ZNF485: variants seen among roughly 807,000 people sequenced by gnomAD.
The protein encoded by ZNF485 is zinc finger protein 485, also known as Zinc finger protein 93 (Zinc finger protein HTF34).
In ZNF485, 9 loss-of-function variants were observed where a neutral mutation model predicts 10.8. That is an observed-to-expected ratio of 0.83 (90% CI 0.50 to 1.45). The LOEUF (loss-of-function observed/expected upper bound fraction) is 1.45, where lower values mean the gene tolerates loss of function less well. ZNF485 is among the 40% of genes most tolerant of loss of function. The probability of loss-of-function intolerance (pLI) is 0.00; values close to 1 mark genes in which losing one functional copy is unlikely to be tolerated. For missense variants in ZNF485, 487 were observed against 528.0 expected (o/e 0.92, Z 0.76); for synonymous variants, 187 against 181.0 (o/e 1.03, Z -0.27).
intron 4 of ZNF485, among the ~76,000 whole-genome samples, chr10:43,609,978 G>A (rs542041994): frequency 3.4e-4 from 52 of 152,250 alleles, no homozygotes; most frequent in East Asian, 1.9e-4. Context: ...GAGCCACCAC[G>A]TCTGGCCCAT....
intron 4 of ZNF485, among the ~76,000 whole-genome samples, chr10:43,609,658 C>T (rs1838730820): frequency 6.6e-6 from 1 of 151,980 alleles, no homozygotes; most frequent in South Asian, 2.1e-4. Flanking sequence ...TTGTTTCTTT[C>T]TACTTCTGTT....
At position 43,609,300 on chromosome 10, in the gene ZNF485, G is replaced by A. The variant is rs1838720545; in HGVS notation, c.197G>A (p.Gly66Glu). The change falls in exon 4 of 5, where the codon GGG becomes GAG. Residue 66 changes from glycine (G) to glutamate (E), a missense_variant. By Grantham distance (98) the Gly-to-Glu change is moderately conservative. Coordinates refer to ENST00000361807, the MANE Select transcript of ZNF485 (RefSeq NM_145312.4). The stretch of plus-strand genomic sequence containing the variant: ...AAACTAATTACTCAGTTGGAGCAAG[G>A]GGCAGAGCCCTGGACTGAGGTGCGA... ...KPKLITQLEQ[G>E]AEPWTEVREA... is the part of the protein sequence containing the mutation. 6.2e-7 allele frequency: 1 copy of A among 1,613,884 alleles called. No homozygotes were observed. The highest frequency in any genetic ancestry group is 1.3e-5 in the African/African-American group (1 of 74,890).
intron 2 of ZNF485, among the ~76,000 whole-genome samples, chr10:43,607,624 A>G (rs1456060143): frequency 6.6e-6 from 1 of 152,182 alleles, no homozygotes; most frequent in African/African-American, 2.4e-5. Context: ...GATTTTGAGA[A>G]GCTGATTAAA....
At chr10:43,614,463 T>C (rs1238591131) in intron 4 of ZNF485, among the ~76,000 whole-genome samples, 1 of 152,032 alleles carries the variant, frequency 6.6e-6, no homozygotes, top group Non-Finnish European at 1.5e-5. Context: ...CAAAACATGT[T>C]TTTTTTCTGT....
At chr10:43,611,612 T>G (rs1465345175) in intron 4 of ZNF485, among the ~76,000 whole-genome samples, 2 of 152,208 alleles carry the variant, frequency 1.3e-5, no homozygotes, top group African/African-American at 4.8e-5. Flanking sequence ...TAATACATGT[T>G]TATACTCCTA....
intron 2 of ZNF485, among the ~76,000 whole-genome samples, chr10:43,607,556 T>C (rs532935147): frequency 5.3e-5 from 8 of 152,334 alleles, no homozygotes; most frequent in Admixed American, 1.3e-4. Context: ...GAAACATTCA[T>C]GGTCTAGAAT....
chr10:43,613,187 T>TA (rs1564482805), intron 4 of ZNF485, among the ~76,000 whole-genome samples: 1 of 152,238 alleles, frequency 6.6e-6, no homozygotes, highest in Non-Finnish European at 1.5e-5. Context: ...TCTGTACCCA[T>TA]GTAACCAAAA....
chr10:43,607,015 C>G lies in ZNF485; in HGVS notation c.-36C>G. On this transcript the variant is annotated 5_prime_UTR_variant, in exon 2 of 5. Transcript: ENST00000361807. Reference sequence around the variant, plus strand: ...TTCCCAGATTGACTTACGCAGGATTCTCAGCCCTTGCCTGGGAGAACAGTT... The same window carrying G: ...TTCCCAGATTGACTTACGCAGGATTGTCAGCCCTTGCCTGGGAGAACAGTT... 1 of 1,551,756 alleles carries G rather than the reference C, an allele frequency of 6.4e-7. No individual in the cohort carries two copies. Among genetic ancestry groups the G allele is most frequent in the Non-Finnish European group, 8.7e-7 (1 of 1,146,966 alleles).
At chr10:43,608,465 C>A in intron 2 of ZNF485, 149 bp from the exon 3 acceptor site, 1 of 1,017,826 alleles carries the variant, frequency 9.8e-7, no homozygotes, top group Non-Finnish European at 1.4e-6. Flanking sequence ...GGAGGAGTCG[C>A]ACATCCCCTG....
chr10:43,616,706 A>C lies in ZNF485; in HGVS notation c.663A>C (p.Lys221Asn). ...CCCACAAATGCATTGAATGTGGAAA[A>C]ACTTTCAGAAAGAACTCAATCCTTT... is the stretch of plus-strand genomic sequence containing the variant. ...EKPHKCIECG[K>N]TFRKNSILLS... The change falls in exon 5 of 5, where the codon AAA (lysine) becomes AAC (asparagine). Residue 221 changes from lysine to asparagine, a missense_variant. By Grantham distance (94) the Lys-to-Asn change is moderately conservative. Coordinates refer to ENST00000361807, the MANE Select transcript of ZNF485 (RefSeq NM_145312.4). 6.2e-7 allele frequency: 1 copy of C among 1,614,152 alleles called. No homozygotes were observed. The highest frequency in any genetic ancestry group is 1.1e-5 in the South Asian group (1 of 91,084).
Position 43,606,504 on chromosome 10 carries a change from A to C in ZNF485, c.-97A>C. 2 of 344,462 alleles carry C rather than the reference A, an allele frequency of 5.8e-6. No homozygotes were observed. Among genetic ancestry groups the C allele is most frequent in the Admixed American group, 4.4e-5 (1 of 22,844 alleles). 21.3% of individuals were successfully genotyped at this position (344,462 alleles called of 1,614,324 possible). A position where few individuals can be genotyped will look rare whatever the true frequency, so the allele number is the denominator to read the frequency against. ...TCCGAACGGCGTGGTGTGGTCGCTGACTCTCTGGGCGTGCAGCTCCGCAGC... is the reference window on the plus strand; with the variant it reads ...TCCGAACGGCGTGGTGTGGTCGCTGCCTCTCTGGGCGTGCAGCTCCGCAGC... On this transcript the variant is annotated 5_prime_UTR_variant, in exon 1 of 5. Transcript: ENST00000361807.
At chr10:43,609,097 G>T (rs536426076) in intron 3 of ZNF485, among the ~76,000 whole-genome samples, 158 bp from the exon 4 acceptor site, 1 of 152,218 alleles carries the variant, frequency 6.6e-6, no homozygotes, top group Non-Finnish European at 1.5e-5. Flanking sequence ...GACATCCTGG[G>T]TGCCACCCTC....
chr10:43,613,101 A>C (rs913567164), intron 4 of ZNF485, among the ~76,000 whole-genome samples: 2 of 152,176 alleles, frequency 1.3e-5, no homozygotes, highest in African/African-American at 4.8e-5. Context: ...CCTTTTCTTA[A>C]AGCCTTTAAA....
intron 4 of ZNF485, among the ~76,000 whole-genome samples, chr10:43,610,521 G>A (rs1278852910): frequency 3.3e-5 from 5 of 152,066 alleles, no homozygotes; most frequent in African/African-American, 9.7e-5. Context: ...AAATTCTTGT[G>A]TAGATTCTTT....
At chr10:43,607,363 G>A (rs1838671954) in intron 2 of ZNF485, 2 of 546,798 alleles carry the variant, frequency 3.7e-6, no homozygotes, top group East Asian at 3.0e-5. Context: ...AAAGACATAG[G>A]GTGATAGCAG....
Position 43,616,558 on chromosome 10 carries a change from C to T in ZNF485, c.515C>T (p.Ser172Phe). The T allele has an allele frequency of 1.2e-6, 2 of 1,614,196 alleles. No homozygotes were observed. Among genetic ancestry groups the T allele is most frequent in the East Asian group, 2.2e-5 (1 of 44,884 alleles). ...ECGIAFMNSS[S>F]LLNHHKVHAG... Reference sequence around the variant, plus strand: ...GGGATCGCCTTTATGAACAGTTCATCCCTTTTAAATCACCATAAGGTTCAT... The same window carrying T: ...GGGATCGCCTTTATGAACAGTTCATTCCTTTTAAATCACCATAAGGTTCAT... Residue 172 changes from serine (S) to phenylalanine (F), a missense_variant, in exon 5 of 5, where the codon TCC becomes TTC. Physicochemically the swap from Ser to Phe is radical, Grantham distance 155. Coordinates refer to ENST00000361807, the MANE Select transcript of ZNF485 (RefSeq NM_145312.4).
In ZNF485 at chr10:43,609,320, G is replaced by A. The variant is rs1838721152; in HGVS notation, c.217G>A (p.Val73Met). 6.2e-7 allele frequency: 1 copy of A among 1,613,994 alleles called. No homozygotes were observed. Among genetic ancestry groups the A allele is most frequent in the Non-Finnish European group, 8.5e-7 (1 of 1,179,910 alleles). The change falls in exon 4 of 5, where the codon GTG (valine) becomes ATG (methionine). Residue 73 changes from valine to methionine, a missense_variant. Val to Met is a conservative substitution (Grantham distance 21). Transcript: ENST00000361807. ...GCAAGGGGCAGAGCCCTGGACTGAG[G>A]TGCGAGAGGCTCCATCAGGCACACA... ...LEQGAEPWTE[V>M]REAPSGTHAV...
rs746501552 is a variant in ZNF485, at chr10:43,609,298, A to T, written c.195A>T (p.Gln65His). 6.2e-7 allele frequency: 1 copy of T among 1,614,014 alleles called. No individual in the cohort carries two copies. ...CAAAACTAATTACTCAGTTGGAGCA[A>T]GGGGCAGAGCCCTGGACTGAGGTGC... The part of the protein sequence containing the change: ...SKPKLITQLE[Q>H]GAEPWTEVRE... Residue 65 changes from glutamine (Q) to histidine (H), a missense_variant, in exon 4 of 5, where the codon CAA (glutamine) becomes CAT (histidine). Gln to His is a conservative substitution (Grantham distance 24). Transcript: ENST00000361807.
intron 2 of ZNF485, among the ~76,000 whole-genome samples, chr10:43,607,786 T>G (rs1157833960): frequency 6.6e-6 from 1 of 152,234 alleles, no homozygotes; most frequent in Non-Finnish European, 1.5e-5. Context: ...TTACTCATTT[T>G]TTCTTTTAGT....
Sources: gnomAD v4.1 joint callset for allele counts (sites outside exome capture counted in the v4.1 genomes callset) on GRCh38, gnomAD v4.1.1 for gene constraint, MANE v1.5 for transcripts, NCBI Gene and HGNC (gene_info 2026-07-23, HGNC 2026-07-21) for gene names.